Variants in HMCN1 observed in about 807,000 individuals in gnomAD.
HMCN1 encodes hemicentin 1, also known as hemicentin-1.
Under a neutral mutation model 625.9 loss-of-function variants are expected in HMCN1, and 321 were observed. That is an observed-to-expected ratio of 0.51 (90% CI 0.47 to 0.56). The LOEUF (loss-of-function observed/expected upper bound fraction) is 0.56, where lower values mean the gene tolerates loss of function less well. Among genes scored for constraint, HMCN1 ranks in the 20% least tolerant of loss-of-function variants. HMCN1 has a pLI of 0.00. For synonymous variants in HMCN1, 2,425 were observed against 2,417.6 expected, an observed-to-expected ratio of 1.00 and a Z score of -0.09; for missense variants, 6,588 against 6,887.3, an observed-to-expected ratio of 0.96 and a Z score of 1.54.
intron 83 of HMCN1, among the ~76,000 whole-genome samples, chr1:186,129,574 G>A (rs1661819832): frequency 1.3e-5 from 2 of 152,056 alleles, no homozygotes; most frequent in African/African-American, 4.8e-5. Context: ...TGTGTTTGAT[G>A]TAAATTGTTT....
intron 1 of HMCN1, among the ~76,000 whole-genome samples, chr1:185,831,410 G>A (rs1010882060): frequency 6.6e-5 from 10 of 152,144 alleles, no homozygotes; most frequent in East Asian, 1.9e-4. Context: ...CTGATAAAAT[G>A]TATCTGTTTC....
chr1:186,166,784 G>A (rs765722888), intron 99 of HMCN1, 24 bp from the exon 100 acceptor site: 1 of 1,614,054 alleles, frequency 6.2e-7, no homozygotes, highest in South Asian at 1.1e-5. Context: ...GCTCACCTCA[G>A]TTGAATGATT....
In HMCN1 at chr1:186,129,989, C is replaced by T. The variant is rs1194705881; in HGVS notation, c.12928C>T (p.His4310Tyr). The change falls in exon 84 of 107, where the codon CAC (histidine) becomes TAC (tyrosine). Residue 4310 changes from histidine to tyrosine, a missense_variant. His to Tyr is a moderately conservative substitution (Grantham distance 83). Around this residue, in one of 3 missense-constraint regions of HMCN1, gnomAD observed 1,954 missense variants for 2,013.1 expected, o/e 0.97. Transcript: ENST00000271588. Reference protein sequence around the residue: ...IPAHFDSVNGHSELVIERVSK... With the variant: ...IPAHFDSVNGYSELVIERVSK... ...AGCCCACTTTGACAGTGTGAATGGA[C>T]ACAGTGAACTTGTTATTGAAAGAGT... 3 of 1,613,082 alleles carry T rather than the reference C, an allele frequency of 1.9e-6. No individual in the cohort carries two copies. The highest frequency in any genetic ancestry group is 3.3e-5 in the Admixed American group (2 of 59,920).
At chr1:185,896,529 A>G (rs531815686) in intron 4 of HMCN1, among the ~76,000 whole-genome samples, 4 of 152,216 alleles carry the variant, frequency 2.6e-5, no homozygotes, top group South Asian at 2.1e-4. Context: ...ACATGTTTAC[A>G]TAGAATTTAT....
intron 105 of HMCN1, among the ~76,000 whole-genome samples, chr1:186,183,628 A>C: frequency 6.6e-6 from 1 of 152,198 alleles, no homozygotes; most frequent in East Asian, 1.9e-4. Context: ...AATAATTTGC[A>C]CCCATTCTAA....
intron 2 of HMCN1, among the ~76,000 whole-genome samples, chr1:185,851,103 A>C (rs1050850900): frequency 1.3e-5 from 2 of 152,152 alleles, no homozygotes; most frequent in African/African-American, 4.8e-5. Flanking sequence ...GAGATATCTC[A>C]CAAATTTCTT....
chr1:185,872,736 C>T (rs543499675), intron 4 of HMCN1, among the ~76,000 whole-genome samples: 66 of 152,220 alleles, frequency 4.3e-4, no homozygotes, highest in African/African-American at 1.6e-3. Context: ...TCTTTCATTT[C>T]ATGATTTTGT....
At chr1:185,917,255 CAT>C (rs1204504357) in intron 6 of HMCN1, among the ~76,000 whole-genome samples, 15 of 152,208 alleles carry the variant, frequency 9.9e-5, no homozygotes, top group Non-Finnish European at 1.6e-4. Context: ...TACTCAGAAA[CAT>C]AGAATGGCAA....
intron 1 of HMCN1, among the ~76,000 whole-genome samples, chr1:185,776,186 A>G (rs1205261033): frequency 6.6e-6 from 1 of 151,868 alleles, no homozygotes; most frequent in Non-Finnish European, 1.5e-5. Context: ...TTCATATTTG[A>G]ATTTTTTGTA....
intron 42 of HMCN1, among the ~76,000 whole-genome samples, chr1:186,051,726 A>T (rs1325838361): frequency 6.6e-6 from 1 of 152,054 alleles, no homozygotes; most frequent in Admixed American, 6.6e-5. Context: ...AATATTGACA[A>T]ATATTGATTA....
chr1:185,997,375 G>A, intron 24 of HMCN1, 54 bp from the exon 25 acceptor site: 1 of 1,084,492 alleles, frequency 9.2e-7, no homozygotes, highest in Non-Finnish European at 1.4e-6. Context: ...TGCCTTAGGA[G>A]AGTTTGAAAT....
chr1:186,097,508 A>AT (rs1462208442), intron 68 of HMCN1, among the ~76,000 whole-genome samples: 1 of 152,118 alleles, frequency 6.6e-6, no homozygotes, highest in African/African-American at 2.4e-5. Flanking sequence ...TATCAAAAAA[A>AT]AAAAAGATAT....
At chr1:186,152,658 G>A in intron 95 of HMCN1, 92 bp from the exon 96 acceptor site, 3 of 1,508,698 alleles carry the variant, frequency 2.0e-6, no homozygotes, top group South Asian at 1.1e-5. Flanking sequence ...AACTCAAAAA[G>A]CATAGCTGAA....
intron 1 of HMCN1, among the ~76,000 whole-genome samples, chr1:185,776,442 T>TTGTGTGTGTGTGTGTG (rs57003461): frequency 2.0e-5 from 3 of 146,986 alleles, no homozygotes; most frequent in African/African-American, 7.5e-5. Flanking sequence ...TTGTATAGGG[T>TTGTGTGTGTGTGTGTG]TGTGTGTGTG....
chr1:185,889,498 T>G (rs1664903886), intron 4 of HMCN1, among the ~76,000 whole-genome samples: 1 of 141,914 alleles, frequency 7.0e-6, no homozygotes, highest in Non-Finnish European at 1.5e-5. Flanking sequence ...ATACCTAATT[T>G]ATTGAGAGTT....
intron 6 of HMCN1, among the ~76,000 whole-genome samples, chr1:185,916,561 A>G (rs1666714557): frequency 6.6e-6 from 1 of 152,176 alleles, no homozygotes; most frequent in Non-Finnish European, 1.5e-5. Flanking sequence ...CATACATTGT[A>G]TCTTTACTTT....
rs917549012 is a variant in HMCN1 at position 186,106,894 on chromosome 1, C to G, written c.10781C>G (p.Thr3594Arg). Residue 3594 changes from threonine (T) to arginine (R), a missense_variant, in exon 70 of 107, where the codon ACA (threonine) becomes AGA (arginine). Physicochemically the swap from Thr to Arg is moderately conservative, Grantham distance 71. This residue lies in a region of HMCN1 where 4,628 missense variants were observed against 4,853.1 expected (regional missense o/e 0.95). Transcript: ENST00000271588. ...LRISTAQVED[T>R]GRYTCLASSP... is the part of the protein sequence containing the mutation. ...ATTTGGGTTTTGTAGGTGGAGGATA[C>G]AGGAAGATATACATGTCTGGCATCC... The G allele has an allele frequency of 1.2e-6, 2 of 1,607,460 alleles. No individual in the cohort carries two copies. Among genetic ancestry groups the G allele is most frequent in the African/African-American group, 2.7e-5 (2 of 74,740 alleles).
At chr1:186,070,801 T>G in intron 52 of HMCN1, 44 bp downstream of exon 52, 1 of 1,583,978 alleles carries the variant, frequency 6.3e-7, no homozygotes, top group African/African-American at 1.3e-5. Flanking sequence ...TCTTAAAGAC[T>G]AAAATGGTCA....
At chr1:185,903,893 G>C (rs1013197485) in intron 4 of HMCN1, among the ~76,000 whole-genome samples, 1 of 151,786 alleles carries the variant, frequency 6.6e-6, no homozygotes, top group African/African-American at 2.4e-5. Context: ...CCTCTCTATA[G>C]GCACACGTAC....
Sources: allele counts gnomAD v4.1 joint callset (sites outside exome capture counted in the v4.1 genomes callset), GRCh38; gene constraint gnomAD v4.1.1; regional missense constraint gnomAD v4.1.1; transcripts MANE v1.5; gene names NCBI Gene and HGNC (gene_info 2026-07-23, HGNC 2026-07-21).